Variants in CUBN observed in about 807,000 individuals in gnomAD.
CUBN encodes 460 kDa receptor.
In CUBN, 282 loss-of-function variants were observed where a neutral mutation model predicts 405.3. The ratio of observed to expected loss-of-function variants is 0.70; its 90% confidence interval spans 0.63 to 0.77. CUBN has a LOEUF of 0.77. Among genes scored for constraint, CUBN ranks in the 30% least tolerant of loss-of-function variants. The probability of loss-of-function intolerance (pLI) is 0.00; values close to 1 mark genes in which losing one functional copy is unlikely to be tolerated. For missense variants in CUBN, 4,514 were observed against 4,475.2 expected (o/e 1.01, Z -0.25); for synonymous variants, 1,684 against 1,617.0 (o/e 1.04, Z -0.99).
chr10:16,895,745 C>A (rs775680758), intron 54 of CUBN, among the ~76,000 whole-genome samples: 1 of 152,060 alleles, frequency 6.6e-6, no homozygotes, highest in African/African-American at 2.4e-5. Context: ...GCATGACATC[C>A]TTTTCCATCC....
At chr10:17,035,603 C>T (rs890058604) in intron 27 of CUBN, among the ~76,000 whole-genome samples, 2 of 152,154 alleles carry the variant, frequency 1.3e-5, no homozygotes, top group African/African-American at 4.8e-5. Flanking sequence ...ATTTTGTAAT[C>T]TTGGTGAATT....
chr10:16,918,785 G>C lies in CUBN; in HGVS notation c.6837C>G (p.Tyr2279Ter). ...AATCCACTCCATCCCGCAACTCAAG[G>C]TAGTTGGAAGTACAGCTGAAGTGGG... is the stretch of plus-strand genomic sequence containing the variant. The part of the protein sequence containing the change: ...IEVTPNCTSN[Y>*]LELRDGVDSD... Residue 2279 changes from tyrosine (Y) to a stop codon, truncating the protein, a stop_gained, in exon 45 of 67, where the codon TAC becomes TAG. Coordinates refer to ENST00000377833, the MANE Select transcript of CUBN (RefSeq NM_001081.4). LOFTEE classifies it high-confidence loss of function. The C allele has an allele frequency of 6.2e-7, 1 of 1,613,672 alleles. No homozygotes were observed. Among genetic ancestry groups the C allele is most frequent in the Non-Finnish European group, 8.5e-7 (1 of 1,179,762 alleles).
chr10:16,866,242 C>G (rs901840187), intron 59 of CUBN, among the ~76,000 whole-genome samples: 1 of 152,192 alleles, frequency 6.6e-6, no homozygotes, highest in Non-Finnish European at 1.5e-5. Context: ...CTGAAAGCCC[C>G]TGATCTAACC....
chr10:17,045,894 G>A, intron 24 of CUBN, 40 bp downstream of exon 24: 1 of 1,605,802 alleles, frequency 6.2e-7, no homozygotes, highest in South Asian at 1.1e-5. Context: ...AAACCAATCA[G>A]ATTGGCTTCT....
chr10:16,870,573 G>A (rs890156204), intron 58 of CUBN, among the ~76,000 whole-genome samples: 2 of 152,160 alleles, frequency 1.3e-5, no homozygotes, highest in Admixed American at 6.5e-5. Context: ...ATTACTTTAC[G>A]GAAGAAGCTT....
intron 59 of CUBN, among the ~76,000 whole-genome samples, chr10:16,859,655 G>A (rs1839961383): frequency 6.6e-6 from 1 of 151,978 alleles, no homozygotes; most frequent in African/African-American, 2.4e-5. Context: ...AGAAAATCAA[G>A]TCATTTTCGA....
Position 16,990,455 on chromosome 10 carries a change from C to T in CUBN, c.4229G>A (p.Arg1410Lys), listed in dbSNP as rs761383315. The part of the protein sequence containing the change: ...GSFSSPGFPN[R>K]YPPNKECIWY... ...GATACACTCCTTGTTTGGTGGATAC[C>T]TGTTGGGGAACCCGGGGCTGCTGAA... is the stretch of plus-strand genomic sequence containing the variant. The change falls in exon 29 of 67, where the codon AGG becomes AAG. Residue 1410 changes from arginine to lysine, a missense_variant. By Grantham distance (26) the Arg-to-Lys change is conservative (BLOSUM62 2). Coordinates refer to ENST00000377833, the MANE Select transcript of CUBN (RefSeq NM_001081.4). 6.2e-7 allele frequency: 1 copy of T among 1,614,170 alleles called. No homozygotes were observed. The highest frequency in any genetic ancestry group is 1.7e-5 in the Admixed American group (1 of 60,018).
chr10:17,028,052 G>C (rs1030405034), intron 27 of CUBN, among the ~76,000 whole-genome samples: 33 of 151,908 alleles, frequency 2.2e-4, no homozygotes, highest in Non-Finnish European at 4.4e-5. Context: ...ACGGTTTCAT[G>C]TAAACATATG....
At chr10:17,125,943 A>G (rs1270723780) in intron 4 of CUBN, among the ~76,000 whole-genome samples, 1 of 152,228 alleles carries the variant, frequency 6.6e-6, no homozygotes, top group East Asian at 1.9e-4. Flanking sequence ...ATCAAATGAC[A>G]AAAAGGTTTG....
At chr10:16,963,196 C>CTTTTTTTTTTTTTTTTTTTT (rs200023246) in intron 31 of CUBN, among the ~76,000 whole-genome samples, 3 of 83,974 alleles carry the variant, frequency 3.6e-5, no homozygotes, top group South Asian at 4.6e-4. Context: ...TCTTTTTTTT[C>CTTTTTTTTTTTTTTTTTTTT]TTTTTTTTTT....
intron 6 of CUBN, chr10:17,122,334 C>T (rs1000743934): frequency 3.9e-6 from 1 of 256,828 alleles, no homozygotes; most frequent in Admixed American, 5.2e-5. Context: ...GTTATGGTCA[C>T]ATTTTGACAT....
chr10:16,954,963 T>A (rs537458679), intron 31 of CUBN, among the ~76,000 whole-genome samples: 1 of 152,198 alleles, frequency 6.6e-6, no homozygotes, highest in African/African-American at 2.4e-5. Context: ...CAACATTTGT[T>A]GGACCTGTTT....
intron 60 of CUBN, among the ~76,000 whole-genome samples, chr10:16,844,501 A>G (rs1230224082): frequency 6.6e-6 from 1 of 152,174 alleles, no homozygotes; most frequent in African/African-American, 2.4e-5. Context: ...ATCTGATCCT[A>G]CGTGATGTAA....
intron 43 of CUBN, among the ~76,000 whole-genome samples, chr10:16,924,124 T>A (rs999455622): frequency 1.3e-5 from 2 of 152,028 alleles, no homozygotes; most frequent in Non-Finnish European, 2.9e-5. Flanking sequence ...AGTAGAGTTA[T>A]GTAGGATGGG....
At position 17,123,822 on chromosome 10, in the gene CUBN, TA is replaced by T. The variant is rs1837102370; in HGVS notation, c.388-134del. On this transcript the variant is annotated intron_variant, in intron 4 of 66. Coordinates refer to ENST00000377833, the MANE Select transcript of CUBN (RefSeq NM_001081.4). ...CCTTCTACACTTTAAAGCCATTACT[TA>T]TGTTCTTCTTCAAATCACCTCTCTT... 5 of 659,064 alleles carry T rather than the reference TA, an allele frequency of 7.6e-6. No homozygotes were observed. The East Asian group carries it at 1.4e-4, about 18-fold the overall frequency. The allele number at this position is 659,064 out of a possible 1,614,324, so 40.8% of individuals were successfully genotyped here. A position where few individuals can be genotyped will look rare whatever the true frequency, so the allele number is the denominator to read the frequency against.
chr10:16,913,044 T>A (rs943629652), intron 48 of CUBN, among the ~76,000 whole-genome samples: 1 of 152,130 alleles, frequency 6.6e-6, no homozygotes, highest in African/African-American at 2.4e-5. Context: ...TGGATATTTT[T>A]AAAGATACAC....
chr10:16,993,240 TAA>T (rs1259605054), intron 28 of CUBN, among the ~76,000 whole-genome samples: 3 of 152,250 alleles, frequency 2.0e-5, no homozygotes, highest in African/African-American at 7.2e-5. Context: ...CCACATGATA[TAA>T]AAGATAAGAA....
intron 31 of CUBN, among the ~76,000 whole-genome samples, chr10:16,960,230 G>T (rs7909876): frequency 0.019 from 2,938 of 152,288 alleles, 91 homozygotes; most frequent in African/African-American, 0.067. Flanking sequence ...AGTGGCTCAC[G>T]CCTGTAATCC....
chr10:16,972,825 C>T (rs1832973798), intron 31 of CUBN, among the ~76,000 whole-genome samples: 1 of 152,108 alleles, frequency 6.6e-6, no homozygotes, highest in Non-Finnish European at 1.5e-5. Flanking sequence ...TGACTGCCAC[C>T]GTGACAGTTC....
Sources: allele counts gnomAD v4.1 joint callset (sites outside exome capture counted in the v4.1 genomes callset), GRCh38; gene constraint gnomAD v4.1.1; transcripts MANE v1.5; gene names NCBI Gene and HGNC (gene_info 2026-07-23, HGNC 2026-07-21).